The following PTPRU variants were observed in gnomAD, a reference collection of about 807,000 sequenced individuals.
PTPRU encodes the protein protein tyrosine phosphatase receptor type U, also known as receptor-type tyrosine-protein phosphatase U.
PTPRU carries 69 observed loss-of-function variants against 166.3 expected under a neutral mutation model. The observed-to-expected ratio is 0.41, with a 90% CI of 0.34 to 0.51. The LOEUF (loss-of-function observed/expected upper bound fraction) is 0.51. Ranked by LOEUF, PTPRU falls within the 20% of genes least tolerant of loss-of-function variation. The pLI is 0.09. For synonymous variants in PTPRU, 793 were observed against 814.0 expected (o/e 0.97, Z 0.44); for missense variants, 1,657 against 2,013.7 (o/e 0.82, Z 3.39).
chr1:29,258,408 C>A, intron 2 of PTPRU, 97 bp from the exon 3 acceptor site: 3 of 1,363,860 alleles, frequency 2.2e-6, no homozygotes, highest in Non-Finnish European at 3.0e-6. Flanking sequence ...CCTGGTGGGT[C>A]CCGTTGCCTG....
At chr1:29,262,235 T>C (rs1685098798) in intron 7 of PTPRU, among the ~76,000 whole-genome samples, 1 of 152,242 alleles carries the variant, frequency 6.6e-6, no homozygotes, top group Admixed American at 6.5e-5. Flanking sequence ...AATTTTGTTG[T>C]TTCAAAAATA....
In PTPRU at chr1:29,236,545, T is replaced by G. The variant is rs1266424003; in HGVS notation, c.-100T>G. ...CCAGTCCCGCTCCGCGCCGCGCCGC[T>G]CCGCTCCGGCTCGGGCTCCGGCTCG... On this transcript the variant is annotated 5_prime_UTR_variant, in exon 1 of 30. Transcript: ENST00000373779. The surrounding 1 kb of genome is among the most constrained non-coding windows in gnomAD (Gnocchi z 4.6). The G allele has an allele frequency of 1.1e-6, 1 of 939,522 alleles. No homozygotes were observed. Among genetic ancestry groups the G allele is most frequent in the Non-Finnish European group, 1.3e-6 (1 of 751,924 alleles). The allele number at this position is 939,522 out of a possible 1,614,324, so 58.2% of individuals were successfully genotyped here.
At chr1:29,305,325 C>G in intron 17 of PTPRU, 27 bp from the exon 18 acceptor site, 1 of 1,612,222 alleles carries the variant, frequency 6.2e-7, no homozygotes, top group Middle Eastern at 1.7e-4. Flanking sequence ...CCAGTTCAGC[C>G]CCTGCCCACC....
Position 29,280,654 on chromosome 1 carries a change from T to TGC in PTPRU, c.1868+514_1868+515insCG, listed in dbSNP as rs1195973807. Among the ~76,000 whole-genome samples the TGC allele has an allele frequency of 3.4e-4, 47 of 137,830 alleles. No homozygotes were observed. Among genetic ancestry groups the TGC allele is most frequent in the African/African-American group, 1.5e-3 (47 of 32,208 alleles). 90.4% of individuals were successfully genotyped at this position (137,830 alleles called of 152,430 possible). ...AGAGGGTGCTGGAGACAAGACTGTGTGTGTGTGTGTGTGTGTGTGTGTGTG... is the reference window on the plus strand; with the variant it reads ...AGAGGGTGCTGGAGACAAGACTGTGTGCGTGTGTGTGTGTGTGTGTGTGTGTG... On this transcript the variant is annotated intron_variant, in intron 11 of 29. Transcript: ENST00000373779. This position sits in a 1 kb window ranked among gnomAD's most constrained non-coding sequence, Gnocchi z 4.2.
intron 7 of PTPRU, 134 bp from the exon 8 acceptor site, chr1:29,275,314 A>AG: frequency 1.1e-6 from 1 of 942,612 alleles, no homozygotes; most frequent in East Asian, 2.6e-5. Flanking sequence ...TTGATGTTCT[A>AG]GGGGTCCCCT....
chr1:29,253,844 C>G (rs1413036655), intron 1 of PTPRU, among the ~76,000 whole-genome samples: 2 of 151,962 alleles, frequency 1.3e-5, no homozygotes, highest in African/African-American at 2.4e-5. Flanking sequence ...CACATAAGAG[C>G]TGCTATTTCC....
In PTPRU at chr1:29,271,292, A is replaced by C. The variant is rs2151949447; in HGVS notation, c.1145-4156A>C. Among the ~76,000 whole-genome samples, 1 of 152,328 alleles carries C rather than the reference A, an allele frequency of 6.6e-6. No individual in the cohort carries two copies. Among genetic ancestry groups the C allele is most frequent in the East Asian group, 1.9e-4 (1 of 5,182 alleles). On this transcript the variant is annotated intron_variant, in intron 7 of 29. Coordinates refer to ENST00000373779, the MANE Select transcript of PTPRU (RefSeq NM_133178.4). The surrounding 1 kb of genome is among the most constrained non-coding windows in gnomAD (Gnocchi z 4.4). ...TGAAGAGAGTGTGTCTGGGTGCCAG[A>C]TGGTTTTTAGAAACGTGGAGAAACT...
intron 7 of PTPRU, among the ~76,000 whole-genome samples, chr1:29,274,138 CCT>C (rs983801542): frequency 3.3e-5 from 5 of 152,226 alleles, no homozygotes; most frequent in African/African-American, 1.2e-4. Context: ...TCAAGAGACT[CCT>C]CTGCCTCAGC....
rs1203444864 is a variant in PTPRU, at chr1:29,236,673, C to T, written c.29C>T (p.Ala10Val). Residue 10 changes from alanine to valine, a missense_variant, in exon 1 of 30, where the codon GCA becomes GTA. Around this residue, in one of 3 missense-constraint regions of PTPRU, gnomAD observed 453 missense variants for 496.9 expected, o/e 0.91. Coordinates refer to ENST00000373779, the MANE Select transcript of PTPRU (RefSeq NM_133178.4). This position sits in a 1 kb window ranked among gnomAD's most constrained non-coding sequence, Gnocchi z 4.6. The stretch of plus-strand genomic sequence containing the variant: ...GCCCGTGCCCAGGCGCTCGTGCTGG[C>T]ACTCACCTTCCAGCTCTGCGCGCCG... MARAQALVLALTFQLCAPET... is the reference protein window; with the variant it reads MARAQALVLVLTFQLCAPET... 23 of 1,458,992 alleles carry T rather than the reference C, an allele frequency of 1.6e-5. No individual in the cohort carries two copies. The highest frequency in any genetic ancestry group is 2.0e-5 in the Non-Finnish European group (22 of 1,107,280). 90.4% of individuals were successfully genotyped at this position (1,458,992 alleles called of 1,614,324 possible). A position where few individuals can be genotyped will look rare whatever the true frequency, so the allele number is the denominator to read the frequency against.
At chr1:29,314,108 C>T (rs868779128) in intron 22 of PTPRU, among the ~76,000 whole-genome samples, 11 of 152,200 alleles carry the variant, frequency 7.2e-5, no homozygotes, top group African/African-American at 1.7e-4. Flanking sequence ...AGTGGATCAT[C>T]GTCCATCAAG....
rs564935273 is a variant in PTPRU, at chr1:29,260,171, A to G, written c.850+127A>G. The G allele has an allele frequency of 3.4e-4, 373 of 1,084,090 alleles. 3 individuals are homozygous for G. In the East Asian group the frequency reaches 5.5e-3, roughly 16 times the overall value. The allele number at this position is 1,084,090 out of a possible 1,614,324, so 67.2% of individuals were successfully genotyped here. ...GCCGGCAGGGTGTCGCTGGGGCGCT[A>G]TCTGAAGATGGGCCTGTGGAAATGG... On this transcript the variant is annotated intron_variant, in intron 6 of 29. Coordinates refer to ENST00000373779, the MANE Select transcript of PTPRU (RefSeq NM_133178.4). This position sits in a 1 kb window ranked among gnomAD's most constrained non-coding sequence, Gnocchi z 8.3.
chr1:29,273,345 T>C (rs1004272805), intron 7 of PTPRU, among the ~76,000 whole-genome samples: 2 of 152,142 alleles, frequency 1.3e-5, no homozygotes, highest in Admixed American at 1.3e-4. Flanking sequence ...CATGGCTCAC[T>C]GCAGCCTCAA....
At chr1:29,303,233 G>A (rs1320412613) in intron 15 of PTPRU, among the ~76,000 whole-genome samples, 1 of 152,224 alleles carries the variant, frequency 6.6e-6, no homozygotes, top group East Asian at 1.9e-4. Context: ...GAACAGCCGG[G>A]GACGGGGTGG....
rs986495207 is a variant in PTPRU, at chr1:29,320,484, C to T, written c.3688-201C>T. 3 of 481,182 alleles carry T rather than the reference C, an allele frequency of 6.2e-6. No homozygotes were observed. Among genetic ancestry groups the T allele is most frequent in the Non-Finnish European group, 1.0e-5 (3 of 291,146 alleles). 29.8% of individuals were successfully genotyped at this position (481,182 alleles called of 1,614,324 possible). On this transcript the variant is annotated intron_variant, in intron 25 of 29. Coordinates refer to ENST00000373779, the MANE Select transcript of PTPRU (RefSeq NM_133178.4). The surrounding 1 kb of genome is among the most constrained non-coding windows in gnomAD (Gnocchi z 5.2). ...TTCTGGGGGGTCATGGGCTTGGTCC[C>T]CAGAGGCCTGGGCCCACCCTGTCAA...
intron 1 of PTPRU, among the ~76,000 whole-genome samples, chr1:29,246,678 C>T (rs113334751): frequency 0.011 from 1,738 of 151,612 alleles, 44 homozygotes; most frequent in African/African-American, 0.04. Flanking sequence ...TGCAATGGAG[C>T]GGTCTGGGCT....
chr1:29,248,889 A>G (rs1372437170), intron 1 of PTPRU, among the ~76,000 whole-genome samples: 1 of 152,026 alleles, frequency 6.6e-6, no homozygotes, highest in South Asian at 2.1e-4. Context: ...TCCGACACCC[A>G]TGCCCACCCT....
At chr1:29,269,095 A>C (rs1685423051) in intron 7 of PTPRU, among the ~76,000 whole-genome samples, 1 of 151,326 alleles carries the variant, frequency 6.6e-6, no homozygotes, top group African/African-American at 2.4e-5. Context: ...GCTGGAGTGC[A>C]GTGGCACGAT....
intron 1 of PTPRU, among the ~76,000 whole-genome samples, chr1:29,254,043 C>T (rs1192984159): frequency 1.3e-5 from 2 of 152,180 alleles, no homozygotes; most frequent in Non-Finnish European, 2.9e-5. Flanking sequence ...ATTGATCCAC[C>T]ACGTGGTGCT....
chr1:29,302,967 ATAGGC>A (rs1687203872), intron 15 of PTPRU, among the ~76,000 whole-genome samples: 2 of 152,352 alleles, frequency 1.3e-5, no homozygotes, highest in South Asian at 4.1e-4. Flanking sequence ...CGTAGGAGCA[ATAGGC>A]TATGCCGTGC....
Sources: gnomAD v4.1 joint callset for allele counts (sites outside exome capture counted in the v4.1 genomes callset) on GRCh38, gnomAD v4.1.1 for gene constraint, gnomAD v4.1.1 regional missense constraint, Gnocchi (gnomAD v3.1) non-coding constraint, MANE v1.5 for transcripts, NCBI Gene and HGNC (gene_info 2026-07-23, HGNC 2026-07-21) for gene names.